The following TSC1 variants were observed in gnomAD, a reference collection of about 807,000 sequenced individuals.
TSC1 encodes hamartin.
TSC1 carries 20 observed loss-of-function variants against 124.3 expected under a neutral mutation model. That is an observed-to-expected ratio of 0.16 (90% CI 0.11 to 0.23). The LOEUF (loss-of-function observed/expected upper bound fraction) is 0.23. Ranked by LOEUF, TSC1 falls within the 10% of genes least tolerant of loss-of-function variation. The pLI, the probability that TSC1 is intolerant of heterozygous loss-of-function variation, is 1.00. For synonymous variants in TSC1, 493 were observed against 539.1 expected (o/e 0.91, Z 1.19); for missense variants, 1,124 against 1,448.5 (o/e 0.78, Z 3.64).
At position 132,921,282 on chromosome 9, in the gene TSC1, T is replaced by C. The variant is rs1226817829; in HGVS notation, c.737+81A>G. ...AGTAGAACATCTATATTCCCAAATA[T>C]ACCTCAACAGGGATTACCTCCTAGA... On this transcript the variant is annotated intron_variant, in intron 8 of 22. Coordinates refer to ENST00000298552, the MANE Select transcript of TSC1 (RefSeq NM_000368.5). The surrounding 1 kb of genome is among the most constrained non-coding windows in gnomAD (Gnocchi z 4.3). 6 of 1,439,870 alleles carry C rather than the reference T, an allele frequency of 4.2e-6. No individual in the cohort carries two copies. The highest frequency in any genetic ancestry group is 5.8e-6 in the Non-Finnish European group (6 of 1,030,434). The allele number at this position is 1,439,870 out of a possible 1,614,324, so 89.2% of individuals were successfully genotyped here.
intron 8 of TSC1, among the ~76,000 whole-genome samples, chr9:132,913,753 GA>G (rs1453029246): frequency 6.7e-6 from 1 of 148,572 alleles, no homozygotes; most frequent in Non-Finnish European, 1.5e-5. Context: ...GTGAACCCAG[GA>G]GGCGGAATTT....
At chr9:132,899,287 T>C (rs1845249914) in intron 20 of TSC1, 1 of 152,230 alleles carries the variant, frequency 6.6e-6, no homozygotes, top group South Asian at 2.1e-4. Flanking sequence ...GGGGACATCA[T>C]TGTGTCTGCC....
Position 132,910,583 on chromosome 9 carries a change from T to C in TSC1, c.1251A>G (p.Thr417=), listed in dbSNP as rs147127442. Residue 417 remains threonine, a synonymous_variant, in exon 12 of 23, where the codon ACA becomes ACG. Coordinates refer to ENST00000298552, the MANE Select transcript of TSC1 (RefSeq NM_000368.5). ...VHISLPQATV[T]PPRKEERMDS... ...AGCTGGATCGCACCTTCCTGGGGGG[T>C]GTGACTGTGGCCTGGGGGAGTGAAA... is the stretch of plus-strand genomic sequence containing the variant. 9 of 1,613,652 alleles carry C rather than the reference T, an allele frequency of 5.6e-6. No individual in the cohort carries two copies. The African/African-American group carries it at 8.0e-5, about 14-fold the overall frequency.
intron 12 of TSC1, 166 bp downstream of exon 12, chr9:132,910,405 G>T: frequency 7.5e-7 from 1 of 1,327,006 alleles, no homozygotes; most frequent in Non-Finnish European, 1.1e-6. Context: ...GGGGTCGGCA[G>T]ATCACACCTT....
chr9:132,945,058 C>A (rs929996089), upstream of TSC1: 1 of 153,408 alleles, frequency 6.5e-6, no homozygotes, highest in Non-Finnish European at 1.4e-5. Flanking sequence ...TTCTGCCCTT[C>A]GCTTGCGTGG....
rs540512897 is a variant in TSC1, at chr9:132,922,865, G to A, written c.508+483C>T. Reference sequence around the variant, plus strand: ...CTTTGATAGAGCTCTGCTACCTGCCGATAGGGGAAAAAAAAAAACCACTGC... The same window carrying A: ...CTTTGATAGAGCTCTGCTACCTGCCAATAGGGGAAAAAAAAAAACCACTGC... On this transcript the variant is annotated intron_variant, in intron 6 of 22. Coordinates refer to ENST00000298552, the MANE Select transcript of TSC1 (RefSeq NM_000368.5). 6.6e-4 allele frequency among the ~76,000 whole-genome samples: 100 copies of A among 151,496 alleles called. 2 individuals carry two copies. The highest frequency in any genetic ancestry group is 1.1e-3 in the Non-Finnish European group (76 of 67,904).
At chr9:132,913,985 A>ACCTTCTG (rs1234468555) in intron 8 of TSC1, among the ~76,000 whole-genome samples, 98 of 125,026 alleles carry the variant, frequency 7.8e-4, no homozygotes, top group Middle Eastern at 0.011. Flanking sequence ...TGCAACCTCC[A>ACCTTCTG]CCTTCTGGAT....
In TSC1 at chr9:132,897,613, GAAAAAA is replaced by G. The variant is rs5901000; in HGVS notation, c.2626-9_2626-4del. On this transcript the variant is annotated splice_region_variant and splice_polypyrimidine_tract_variant and intron_variant, in intron 20 of 22. Transcript: ENST00000298552. ...GCGGCTTTCATCATTTCTACTTCCT[GAAAAAA>G]AAAAAAAAAAAAGACTGGAATTAGT... 73 of 1,358,080 alleles carry G rather than the reference GAAAAAA, an allele frequency of 5.4e-5. No individual in the cohort carries two copies. Among genetic ancestry groups the G allele is most frequent in the Non-Finnish European group, 6.1e-5 (64 of 1,042,154 alleles). The allele number at this position is 1,358,080 out of a possible 1,614,324, so 84.1% of individuals were successfully genotyped here.
chr9:132,893,128 G>C lies in TSC1; in HGVS notation c.*3107C>G, dbSNP rs576281564. 1.3e-5 allele frequency: 3 copies of C among 233,028 alleles called. No homozygotes were observed. The highest frequency in any genetic ancestry group is 1.7e-5 in the Non-Finnish European group (2 of 118,068). The allele number at this position is 233,028 out of a possible 1,614,324, so 14.4% of individuals were successfully genotyped here. On this transcript the variant is annotated 3_prime_UTR_variant, in exon 23 of 23. Coordinates refer to ENST00000298552, the MANE Select transcript of TSC1 (RefSeq NM_000368.5). Reference sequence around the variant, plus strand: ...TGGCTCACAAAGTAGCTCACCTCTCGCCTCTCCACTCTTCAAGCTTAGTAA... The same window carrying C: ...TGGCTCACAAAGTAGCTCACCTCTCCCCTCTCCACTCTTCAAGCTTAGTAA...
chr9:132,920,966 C>CA (rs1846517278), intron 8 of TSC1, among the ~76,000 whole-genome samples: 1 of 151,614 alleles, frequency 6.6e-6, no homozygotes, highest in South Asian at 2.1e-4. Flanking sequence ...TCAGGGACTC[C>CA]AAATACTTAA....
At chr9:132,934,391 T>C (rs1847353995) in intron 2 of TSC1, 1 of 152,186 alleles carries the variant, frequency 6.6e-6, no homozygotes, top group African/African-American at 2.4e-5. Flanking sequence ...AAAACTACTA[T>C]AGCATATAAT....
In TSC1 at chr9:132,902,629, G is replaced by A. The variant is rs1588301207; in HGVS notation, c.2367C>T (p.Phe789=). ...CCTGTAATTCCTGGCTCTGGTTGTA[G>A]AATTCCTCTCGGTCATGCTGCAGCT... The part of the protein sequence containing the change: ...IRQLQHDREE[F]YNQSQELQTK... The change falls in exon 18 of 23, where the codon TTC becomes TTT. Residue 789 remains phenylalanine, a synonymous_variant. Transcript: ENST00000298552. The surrounding 1 kb of genome is among the most constrained non-coding windows in gnomAD (Gnocchi z 5.2). 2 of 1,614,032 alleles carry A rather than the reference G, an allele frequency of 1.2e-6. No homozygotes were observed. Among genetic ancestry groups the A allele is most frequent in the Non-Finnish European group, 1.7e-6 (2 of 1,180,034 alleles).
rs2131592265 is a variant in TSC1 at position 132,896,370 on chromosome 9, T to G, written c.3360A>C (p.Glu1120Asp). The G allele has an allele frequency of 6.2e-7, 1 of 1,614,210 alleles. No homozygotes were observed. The highest frequency in any genetic ancestry group is 8.5e-7 in the Non-Finnish European group (1 of 1,180,034). Reference protein sequence around the residue: ...TSSLSESLKTELGKDLGVEAK... With the variant: ...TSSLSESLKTDLGKDLGVEAK... Reference sequence around the variant, plus strand: ...CTTCCACACCCAAGTCTTTGCCCAGTTCTGTCTTTAGGCTCTCAGAAAGGC... The same window carrying G: ...CTTCCACACCCAAGTCTTTGCCCAGGTCTGTCTTTAGGCTCTCAGAAAGGC... The change falls in exon 23 of 23, where the codon GAA becomes GAC. Residue 1120 changes from glutamate (E) to aspartate (D), a missense_variant. By Grantham distance (45) the Glu-to-Asp change is conservative. Transcript: ENST00000298552. The surrounding 1 kb of genome is among the most constrained non-coding windows in gnomAD (Gnocchi z 4.5).
At chr9:132,930,552 C>A (rs1387366410) in intron 2 of TSC1, among the ~76,000 whole-genome samples, 1 of 131,378 alleles carries the variant, frequency 7.6e-6, no homozygotes, top group Non-Finnish European at 1.5e-5. Context: ...CATGCCACTG[C>A]ACTCTAGCCT....
chr9:132,937,271 C>T (rs1847502385), intron 1 of TSC1, among the ~76,000 whole-genome samples: 1 of 152,114 alleles, frequency 6.6e-6, no homozygotes. Context: ...TGGAGAAACC[C>T]CATCTCTACT....
In TSC1 at chr9:132,894,693, T is replaced by TAAAA. The variant is rs748099884; in HGVS notation, c.*1538_*1541dup. ...GATGCTAGAATATTTATTGCCATGC[T>TAAAA]AAAAAAAAAAAAAAAAAAAAAAGAC... On this transcript the variant is annotated 3_prime_UTR_variant, in exon 23 of 23. Coordinates refer to ENST00000298552, the MANE Select transcript of TSC1 (RefSeq NM_000368.5). 3.5e-5 allele frequency: 4 copies of TAAAA among 114,122 alleles called. No individual in the cohort carries two copies. The highest frequency in any genetic ancestry group is 7.9e-5 in the African/African-American group (2 of 25,356). The allele number at this position is 114,122 out of a possible 1,614,324, so 7.1% of individuals were successfully genotyped here.
chr9:132,927,235 T>A lies in TSC1; in HGVS notation c.176A>T (p.His59Leu), dbSNP rs757837986. The change falls in exon 4 of 23, where the codon CAC becomes CTC. Residue 59 changes from histidine to leucine, a missense_variant. By Grantham distance (99) the His-to-Leu change is moderately conservative. Coordinates refer to ENST00000298552, the MANE Select transcript of TSC1 (RefSeq NM_000368.5). ...TGGCTCTTGCAAGGTGGTCAGGATG[T>A]GCAATGCCGGCTGAGAGCTGGTTTC... ...YLETSSQPALHILTTLQEPHD... is the reference protein window; with the variant it reads ...YLETSSQPALLILTTLQEPHD... The A allele has an allele frequency of 8.7e-6, 14 of 1,613,940 alleles. 1 individual carries two copies. In the South Asian group the frequency reaches 1.5e-4, roughly 18 times the overall value.
At position 132,901,617 on chromosome 9, in the gene TSC1, T is replaced by C. The variant is rs2131704430; in HGVS notation, c.2474A>G (p.Glu825Gly). 1.2e-6 allele frequency: 2 copies of C among 1,614,180 alleles called. No individual in the cohort carries two copies. The highest frequency in any genetic ancestry group is 8.5e-7 in the Non-Finnish European group (1 of 1,180,040). Residue 825 changes from glutamate (E) to glycine (G), a missense_variant, in exon 19 of 23, where the codon GAG becomes GGG. By Grantham distance (98) the Glu-to-Gly change is moderately conservative. Transcript: ENST00000298552. ...TTGGGAAACCTGACTGAGCAGCAGC[T>C]CAGTGTGACACACCTTGTTGTTGGC... ...KKANNKVCHT[E>G]LLLSQVSQKL...
chr9:132,900,971 A>G, intron 19 of TSC1, 134 bp from the exon 20 acceptor site: 1 of 1,281,200 alleles, frequency 7.8e-7, no homozygotes, highest in Non-Finnish European at 1.1e-6. Context: ...ATGGGTTCAC[A>G]GTCCCTGACA....
Sources: allele counts gnomAD v4.1 joint callset (sites outside exome capture counted in the v4.1 genomes callset), GRCh38; gene constraint gnomAD v4.1.1; non-coding constraint Gnocchi (gnomAD v3.1); transcripts MANE v1.5; gene names NCBI Gene and HGNC (gene_info 2026-07-23, HGNC 2026-07-21).